WNT2: variants seen among roughly 807,000 people sequenced by gnomAD.
WNT2 encodes the protein protein Wnt-2.
A neutral mutation model predicts 36.9 loss-of-function variants in WNT2; 12 were observed. The ratio of observed to expected loss-of-function variants is 0.33; its 90% CI spans 0.21 to 0.53. The LOEUF is 0.53. Ranked by LOEUF, WNT2 falls within the 20% of genes least tolerant of loss-of-function variation. The probability of loss-of-function intolerance (pLI) is 0.95; values close to 1 mark genes in which losing one functional copy is unlikely to be tolerated. For missense variants in WNT2, 379 were observed against 473.1 expected (o/e 0.80, Z 1.84); for synonymous variants, 163 against 174.6 (o/e 0.93, Z 0.52).
intron 4 of WNT2, among the ~76,000 whole-genome samples, chr7:117,280,096 C>G (rs1025092053): frequency 6.6e-6 from 1 of 151,858 alleles, no homozygotes; most frequent in Admixed American, 6.6e-5. Flanking sequence ...GAATGATTGG[C>G]GGCGGAGAGC....
intron 3 of WNT2, among the ~76,000 whole-genome samples, chr7:117,310,007 T>C (rs1795091829): frequency 1.3e-5 from 2 of 152,214 alleles, no homozygotes; most frequent in African/African-American, 4.8e-5. Flanking sequence ...CTCAAACTCC[T>C]GAGCTCAAGT....
At chr7:117,306,577 A>C (rs1269156965) in intron 3 of WNT2, among the ~76,000 whole-genome samples, 1 of 151,944 alleles carries the variant, frequency 6.6e-6, no homozygotes, top group African/African-American at 2.4e-5. Flanking sequence ...CTCTTGTTCT[A>C]CTTCCTTCTT....
rs1794540348 is a variant in WNT2 at position 117,284,015 on chromosome 7, C to T, written c.854-5631G>A. On this transcript the variant is annotated intron_variant, in intron 4 of 4. Transcript: ENST00000265441. The surrounding 1 kb of genome is among the most constrained non-coding windows in gnomAD (Gnocchi z 5.2). ...ACTGGGCGGGAAAGGGCAGTCCCTGCAGCTGGAAGGGAGGATGAGGCTGCC... is the reference window on the plus strand; with the variant it reads ...ACTGGGCGGGAAAGGGCAGTCCCTGTAGCTGGAAGGGAGGATGAGGCTGCC... 6.6e-6 allele frequency among the ~76,000 whole-genome samples: 1 copy of T among 151,944 alleles called. No homozygotes were observed. Among genetic ancestry groups the T allele is most frequent in the Admixed American group, 6.5e-5 (1 of 15,274 alleles).
At chr7:117,318,811 C>T (rs1325755083) in intron 2 of WNT2, among the ~76,000 whole-genome samples, 1 of 152,200 alleles carries the variant, frequency 6.6e-6, no homozygotes, top group Non-Finnish European at 1.5e-5. Context: ...GCTGTTACCT[C>T]TAGTTCGAAC....
Position 117,278,457 on chromosome 7 carries a change from C to T in WNT2, c.854-73G>A, listed in dbSNP as rs899264001. 1.4e-5 allele frequency: 20 copies of T among 1,422,596 alleles called. No individual in the cohort carries two copies. The African/African-American group carries it at 1.8e-4, about 13-fold the overall frequency. The allele number at this position is 1,422,596 out of a possible 1,614,324, so 88.1% of individuals were successfully genotyped here. ...CAATATGCCTCCAGAGGAGGAGTCA[C>T]GAGGTCCATCCTCCAGGACAGAGCC... On this transcript the variant is annotated intron_variant, in intron 4 of 4. Coordinates refer to ENST00000265441, the MANE Select transcript of WNT2 (RefSeq NM_003391.3).
At position 117,284,351 on chromosome 7, in the gene WNT2, A is replaced by AGTATGTGT. The variant is rs1563198111; in HGVS notation, c.854-5975_854-5968dup. Among the ~76,000 whole-genome samples, 4 of 152,202 alleles carry AGTATGTGT rather than the reference A, an allele frequency of 2.6e-5. No individual in the cohort carries two copies. Among genetic ancestry groups the AGTATGTGT allele is most frequent in the Non-Finnish European group, 4.4e-5 (3 of 68,024 alleles). On this transcript the variant is annotated intron_variant, in intron 4 of 4. Transcript: ENST00000265441. The surrounding 1 kb of genome is among the most constrained non-coding windows in gnomAD (Gnocchi z 5.2). ...TTTCCAATAAAATATAAGAACCAAG[A>AGTATGTGT]GTATGTGTGTATGTGTGTGTGTTTT...
intron 3 of WNT2, among the ~76,000 whole-genome samples, chr7:117,298,877 C>T (rs1023118873): frequency 6.6e-6 from 1 of 152,174 alleles, no homozygotes; most frequent in Non-Finnish European, 1.5e-5. Context: ...ATGGGGAAGG[C>T]AGGTGACTTG....
rs144211550 is a variant in WNT2 at position 117,320,693 on chromosome 7, T to A, written c.184A>T (p.Met62Leu). 6.1e-5 allele frequency: 98 copies of A among 1,613,924 alleles called. No individual in the cohort carries two copies. The highest frequency in any genetic ancestry group is 8.1e-5 in the Non-Finnish European group (96 of 1,180,012). ...RQLCHRHPDV[M>L]RAISQGVAEW... ...GCCACGCCCTGGCTAATGGCACGCA[T>A]CACATCTGGATGTCGGTGACACAGC... Residue 62 changes from methionine to leucine, a missense_variant, in exon 2 of 5, where the codon ATG (methionine) becomes TTG (leucine). Coordinates refer to ENST00000265441, the MANE Select transcript of WNT2 (RefSeq NM_003391.3).
At chr7:117,316,146 A>G (rs1795213002) in intron 2 of WNT2, among the ~76,000 whole-genome samples, 1 of 152,212 alleles carries the variant, frequency 6.6e-6, no homozygotes, top group Non-Finnish European at 1.5e-5. Context: ...TACCGCCTAT[A>G]ATTAGACTTG....
At chr7:117,309,352 G>T (rs1005163610) in intron 3 of WNT2, among the ~76,000 whole-genome samples, 1 of 151,958 alleles carries the variant, frequency 6.6e-6, no homozygotes. Context: ...CATGCTCAGG[G>T]GCAGGCCCTA....
At chr7:117,301,802 C>CTTTTTT (rs1181700612) in intron 3 of WNT2, among the ~76,000 whole-genome samples, 11 of 112,510 alleles carry the variant, frequency 9.8e-5, no homozygotes, top group East Asian at 2.4e-4. Context: ...TCCCTCCATT[C>CTTTTTT]TTTTTTTTTT....
At chr7:117,293,774 C>G (rs546630145) in intron 4 of WNT2, among the ~76,000 whole-genome samples, 1 of 151,892 alleles carries the variant, frequency 6.6e-6, no homozygotes, top group African/African-American at 2.4e-5. Context: ...TGTGCTTACT[C>G]AATAATGTGT....
chr7:117,314,527 C>T (rs1011729184), intron 3 of WNT2, among the ~76,000 whole-genome samples: 2 of 152,204 alleles, frequency 1.3e-5, no homozygotes, highest in African/African-American at 4.8e-5. Flanking sequence ...ATCATGTCTT[C>T]TCCTGGTCCA....
At chr7:117,282,943 G>A (rs1055481072) in intron 4 of WNT2, among the ~76,000 whole-genome samples, 1 of 152,168 alleles carries the variant, frequency 6.6e-6, no homozygotes, top group Non-Finnish European at 1.5e-5. Context: ...GGACCTGTGG[G>A]ACATGGTGAC....
At chr7:117,302,174 G>A (rs1794919691) in intron 3 of WNT2, among the ~76,000 whole-genome samples, 1 of 151,942 alleles carries the variant, frequency 6.6e-6, no homozygotes, top group Non-Finnish European at 1.5e-5. Context: ...AGGAAGAAGA[G>A]GTAGAGAGAG....
chr7:117,308,096 T>C (rs1795046131), intron 3 of WNT2, among the ~76,000 whole-genome samples: 1 of 152,268 alleles, frequency 6.6e-6, no homozygotes, highest in Non-Finnish European at 1.5e-5. Flanking sequence ...AATTGAATCC[T>C]TTTGACAGGT....
intron 2 of WNT2, among the ~76,000 whole-genome samples, chr7:117,319,388 G>A (rs545213776): frequency 4.1e-4 from 62 of 152,188 alleles, no homozygotes; most frequent in Admixed American, 8.5e-4. Context: ...AGAGTACTAC[G>A]CCCTTGGGGG....
chr7:117,295,742 C>T (rs2116350954), intron 4 of WNT2, among the ~76,000 whole-genome samples: 1 of 152,286 alleles, frequency 6.6e-6, no homozygotes, highest in African/African-American at 2.4e-5. Context: ...AAGCACAGGC[C>T]AAGGGATCAG....
In WNT2 at chr7:117,278,382, A is replaced by C. The variant is rs775960041; in HGVS notation, c.856T>G (p.Ser286Ala). 6.2e-7 allele frequency: 1 copy of C among 1,612,816 alleles called. No individual in the cohort carries two copies. Among genetic ancestry groups the C allele is most frequent in the Non-Finnish European group, 8.5e-7 (1 of 1,179,440 alleles). Residue 286 changes from serine (S) to alanine (A), a missense_variant and splice_region_variant, in exon 5 of 5, where the codon TCC (serine) becomes GCC (alanine). Transcript: ENST00000265441. ...DYCIRDREAGSLGTAGRVCNL... is the reference protein window; with the variant it reads ...DYCIRDREAGALGTAGRVCNL... ...CACACACGGCCTGCTGTACCCAGGG[A>C]GCCTGGAAGACAAGCCAGGGAGTGT...
Sources: allele counts gnomAD v4.1 joint callset (sites outside exome capture counted in the v4.1 genomes callset), GRCh38; gene constraint gnomAD v4.1.1; non-coding constraint Gnocchi (gnomAD v3.1); transcripts MANE v1.5; gene names NCBI Gene and HGNC (gene_info 2026-07-23, HGNC 2026-07-21).